The following RBFOX1 variants were observed in gnomAD, a reference collection of about 807,000 sequenced individuals.
RBFOX1 encodes the protein RNA binding fox-1 homolog 1.
RBFOX1 carries 8 observed loss-of-function variants against 57.7 expected under a neutral mutation model. That is an observed-to-expected ratio of 0.14 (90% CI 0.08 to 0.25). The LOEUF (loss-of-function observed/expected upper bound fraction) is 0.25. Ranked by LOEUF, RBFOX1 falls within the 10% of genes least tolerant of loss-of-function variation. The probability of loss-of-function intolerance (pLI) is 1.00; values close to 1 mark genes in which losing one functional copy is unlikely to be tolerated. For missense variants in RBFOX1, 611 were observed against 548.5 expected, an observed-to-expected ratio of 1.11 and a Z score of -1.14; for synonymous variants, 326 against 222.4, an observed-to-expected ratio of 1.47 and a Z score of -4.15.
chr16:6,929,111 C>T (rs2076103548), intron 3 of RBFOX1, among the ~76,000 whole-genome samples: 1 of 152,156 alleles, frequency 6.6e-6, no homozygotes, highest in African/African-American at 2.4e-5. Flanking sequence ...CACAGGCCCA[C>T]ATTGCAACTC....
chr16:6,575,405 C>T (rs189704458), intron 2 of RBFOX1, among the ~76,000 whole-genome samples: 1 of 152,106 alleles, frequency 6.6e-6, no homozygotes, highest in Non-Finnish European at 1.5e-5. Context: ...TGACGTGTAA[C>T]AGAATACCTT....
At chr16:5,618,567 G>A (rs1292482336) in intron 3 of RBFOX1, among the ~76,000 whole-genome samples, 1 of 152,184 alleles carries the variant, frequency 6.6e-6, no homozygotes, top group Non-Finnish European at 1.5e-5. Context: ...TCGATCTCCT[G>A]ACCCTGTGAT....
intron 5 of RBFOX1, among the ~76,000 whole-genome samples, chr16:7,558,453 AAT>A (rs1305978180): frequency 2.0e-5 from 3 of 152,098 alleles, no homozygotes; most frequent in African/African-American, 7.2e-5. Flanking sequence ...TATCAATATG[AAT>A]ATATACATGT....
chr16:6,694,346 G>C (rs2110350), intron 3 of RBFOX1, among the ~76,000 whole-genome samples: 149,447 of 152,292 alleles, frequency 0.98, 73,392 homozygotes, highest in Middle Eastern at 1. Context: ...GGAGTTGGCG[G>C]AGATTAATTA....
At chr16:5,714,458 C>G (rs2051613288) in intron 3 of RBFOX1, among the ~76,000 whole-genome samples, 1 of 152,154 alleles carries the variant, frequency 6.6e-6, no homozygotes, top group South Asian at 2.1e-4. Context: ...AGAGACCACC[C>G]AAAAGCTGGC....
At chr16:5,418,228 C>T (rs897628890) in intron 1 of RBFOX1, among the ~76,000 whole-genome samples, 1 of 151,946 alleles carries the variant, frequency 6.6e-6, no homozygotes, top group Non-Finnish European at 1.5e-5. Context: ...TATTGGCAAG[C>T]ATATTAGAGT....
Position 6,089,566 on chromosome 16 carries a change from G to A in RBFOX1, c.-127+69574G>A, listed in dbSNP as rs1001015941. 4.6e-5 allele frequency among the ~76,000 whole-genome samples: 7 copies of A among 152,320 alleles called. No individual in the cohort carries two copies. In the South Asian group the frequency reaches 1.2e-3, roughly 27 times the overall value. On this transcript the variant is annotated intron_variant, in intron 1 of 15. Coordinates refer to ENST00000550418, the MANE Select transcript of RBFOX1 (RefSeq NM_018723.4). ...TTGAACAACCTAAAGATTTTAAGCA[G>A]AGTGATGCAATGCATTTGTCTTTTG...
intron 4 of RBFOX1, among the ~76,000 whole-genome samples, chr16:7,106,264 C>T (rs1001611647): frequency 1.3e-5 from 2 of 152,162 alleles, no homozygotes; most frequent in Non-Finnish European, 2.9e-5. Flanking sequence ...TGTGTGTAAA[C>T]ACATACGTGA....
chr16:6,675,786 T>C (rs1346612223), intron 3 of RBFOX1, among the ~76,000 whole-genome samples: 1 of 152,086 alleles, frequency 6.6e-6, no homozygotes, highest in Non-Finnish European at 1.5e-5. Flanking sequence ...AAGAACAGTA[T>C]GGGAAAACCA....
intron 3 of RBFOX1, among the ~76,000 whole-genome samples, chr16:7,020,312 G>C (rs746185497): frequency 1.7e-4 from 26 of 151,892 alleles, no homozygotes; most frequent in Non-Finnish European, 2.4e-4. Context: ...TGCAACCTCT[G>C]TCCGCCAGGT....
At chr16:7,365,030 G>A (rs566220791) in intron 4 of RBFOX1, among the ~76,000 whole-genome samples, 8 of 152,196 alleles carry the variant, frequency 5.3e-5, no homozygotes, top group South Asian at 2.1e-4. Flanking sequence ...CCATCCGTCC[G>A]TCCGTCTGTC....
At chr16:7,613,720 T>C (rs1305747874) in intron 10 of RBFOX1, among the ~76,000 whole-genome samples, 1 of 152,162 alleles carries the variant, frequency 6.6e-6, no homozygotes, top group Non-Finnish European at 1.5e-5. Flanking sequence ...CTCACATTTT[T>C]TCCTCCCACT....
chr16:5,635,505 G>C (rs1049384160), intron 3 of RBFOX1, among the ~76,000 whole-genome samples: 5 of 152,230 alleles, frequency 3.3e-5, no homozygotes, highest in Admixed American at 6.5e-5. Flanking sequence ...TTCTGGCTTT[G>C]AGTGACAAAT....
intron 3 of RBFOX1, among the ~76,000 whole-genome samples, chr16:5,663,474 G>A (rs1017973479): frequency 6.6e-5 from 10 of 151,942 alleles, no homozygotes; most frequent in Admixed American, 6.6e-5. Context: ...GAAAATGCTG[G>A]TATTAAATGC....
chr16:7,499,784 G>A (rs1363265306), intron 4 of RBFOX1, among the ~76,000 whole-genome samples: 1 of 151,774 alleles, frequency 6.6e-6, no homozygotes, highest in African/African-American at 2.4e-5. Context: ...ATCAGCCTCA[G>A]TTTCCTTAGC....
chr16:5,459,819 C>T (rs536566790), intron 1 of RBFOX1, among the ~76,000 whole-genome samples: 1 of 152,252 alleles, frequency 6.6e-6, no homozygotes, highest in East Asian at 1.9e-4. Context: ...AGACTGCTTA[C>T]ACTGAGATGA....
At chr16:7,677,160 C>CACACACACACACA (rs1555762483) in intron 14 of RBFOX1, among the ~76,000 whole-genome samples, 7 of 151,200 alleles carry the variant, frequency 4.6e-5, no homozygotes, top group South Asian at 2.1e-4. Flanking sequence ...CACACACACA[C>CACACACACACACA]CGTACAACCT....
At chr16:7,387,494 C>T (rs957871702) in intron 4 of RBFOX1, among the ~76,000 whole-genome samples, 1 of 152,130 alleles carries the variant, frequency 6.6e-6, no homozygotes, top group Non-Finnish European at 1.5e-5. Flanking sequence ...ATTGTATCTC[C>T]CTGGGTCTCG....
intron 4 of RBFOX1, among the ~76,000 whole-genome samples, chr16:7,421,022 G>A (rs1017696390): frequency 6.6e-6 from 1 of 151,574 alleles, no homozygotes; most frequent in Non-Finnish European, 1.5e-5. Context: ...AGGCGAAATT[G>A]TGACGCCTCC....
Sources: gnomAD v4.1 joint callset for allele counts (sites outside exome capture counted in the v4.1 genomes callset) on GRCh38, gnomAD v4.1.1 for gene constraint, MANE v1.5 for transcripts, NCBI Gene and HGNC (gene_info 2026-07-23, HGNC 2026-07-21) for gene names.